Variants in POLI observed in about 807,000 individuals in gnomAD.
POLI encodes DNA polymerase iota, also known as RAD30 homolog B.
Under a neutral mutation model 51.6 loss-of-function variants are expected in POLI, and 58 were observed. The observed-to-expected ratio is 1.12, with a 90% CI of 0.91 to 1.40. The LOEUF is 1.40. POLI is among the 40% of genes most tolerant of loss of function. The pLI, the probability that POLI is intolerant of heterozygous loss-of-function variation, is 0.00. For synonymous variants in POLI, 322 were observed against 299.7 expected (o/e 1.07, Z -0.77); for missense variants, 921 against 871.3 (o/e 1.06, Z -0.72).
At chr18:54,309,890 AGCCTT>A (rs2088646667) in intron 3 of POLI, among the ~76,000 whole-genome samples, 1 of 152,126 alleles carries the variant, frequency 6.6e-6, no homozygotes, top group Non-Finnish European at 1.5e-5. Context: ...GGACCTGCTG[AGCCTT>A]GCCTGGGATA....
At position 54,274,080 on chromosome 18, in the gene POLI, T is replaced by C. The variant is rs1389679381; in HGVS notation, c.396T>C (p.Tyr132=). The change falls in exon 3 of 10, where the codon TAT becomes TAC. Residue 132 remains tyrosine (Y), a synonymous_variant. Transcript: ENST00000579534. ...TGACCCGCTACAGAGAAATGTCTTA[T>C]AAGGTTACAGGTACAAATGATAAGC... ...EDLTRYREMS[Y]KVTELLEEFS... The C allele has an allele frequency of 2.1e-6, 3 of 1,461,706 alleles. No individual in the cohort carries two copies. Among genetic ancestry groups the C allele is most frequent in the Non-Finnish European group, 1.8e-6 (2 of 1,099,748 alleles). 90.5% of individuals were successfully genotyped at this position (1,461,706 alleles called of 1,614,324 possible).
chr18:54,290,941 C>T (rs991668120), intron 8 of POLI, among the ~76,000 whole-genome samples: 5 of 152,084 alleles, frequency 3.3e-5, no homozygotes, highest in African/African-American at 1.2e-4. Flanking sequence ...CAAATCTGCA[C>T]ATTGTGCACA....
chr18:54,293,283 G>A (rs572787685), intron 9 of POLI, among the ~76,000 whole-genome samples: 106 of 151,254 alleles, frequency 7.0e-4, no homozygotes, highest in Non-Finnish European at 1.3e-3. Context: ...GATGCTATAT[G>A]TGTATGTTTT....
chr18:54,269,624 G>A lies in POLI; in HGVS notation c.78G>A (p.Met26Ile). ...DDEEDAEAWA[M>I]ELADVGAAAS... ...AGGAAGACGCCGAGGCCTGGGCCATGGAACTGGCGGACGTGGGGGCGGCAG... is the reference window on the plus strand; with the variant it reads ...AGGAAGACGCCGAGGCCTGGGCCATAGAACTGGCGGACGTGGGGGCGGCAG... The change falls in exon 1 of 10, where the codon ATG becomes ATA. Residue 26 changes from methionine to isoleucine, a missense_variant. Met to Ile is a conservative substitution (Grantham distance 10, BLOSUM62 1). Coordinates refer to ENST00000579534, the MANE Select transcript of POLI (RefSeq NM_007195.3). 6.6e-7 allele frequency: 1 copy of A among 1,510,162 alleles called. No homozygotes were observed. The highest frequency in any genetic ancestry group is 8.8e-7 in the Non-Finnish European group (1 of 1,131,952). 93.5% of individuals were successfully genotyped at this position (1,510,162 alleles called of 1,614,324 possible). A position where few individuals can be genotyped will look rare whatever the true frequency, so the allele number is the denominator to read the frequency against.
chr18:54,285,991 C>T (rs560101944), intron 7 of POLI, among the ~76,000 whole-genome samples: 9 of 151,980 alleles, frequency 5.9e-5, no homozygotes, highest in South Asian at 2.1e-4. Flanking sequence ...CCACCTCAAC[C>T]GCCAGAATAG....
intron 8 of POLI, among the ~76,000 whole-genome samples, chr18:54,289,117 C>T (rs693199): frequency 0.26 from 38,324 of 149,726 alleles, 5,064 homozygotes; most frequent in Middle Eastern, 0.31. Context: ...TCCTGTACTT[C>T]TTTTTAGGTA....
Position 54,295,040 on chromosome 18 carries a change from C to T in POLI, c.*573C>T, listed in dbSNP as rs957268847. 25 of 984,976 alleles carry T rather than the reference C, an allele frequency of 2.5e-5. No homozygotes were observed. The highest frequency in any genetic ancestry group is 7.0e-5 in the African/African-American group (4 of 57,152). The allele number at this position is 984,976 out of a possible 1,614,324, so 61.0% of individuals were successfully genotyped here. On this transcript the variant is annotated 3_prime_UTR_variant, in exon 10 of 10. Coordinates refer to ENST00000579534, the MANE Select transcript of POLI (RefSeq NM_007195.3). ...ACCACAATACACAGCACACAAAGGC[C>T]GTTCAATAAACATTGAATGAATGAA...
intron 3 of POLI, among the ~76,000 whole-genome samples, chr18:54,275,634 A>G (rs2087207917): frequency 6.6e-6 from 1 of 152,230 alleles, no homozygotes; most frequent in African/African-American, 2.4e-5. Flanking sequence ...CATCATATAG[A>G]TGAAGAAGAG....
At chr18:54,304,926 A>G (rs971442665) in intron 3 of POLI, among the ~76,000 whole-genome samples, 2 of 152,158 alleles carry the variant, frequency 1.3e-5, no homozygotes, top group Admixed American at 6.6e-5. Flanking sequence ...TCCATCTTGA[A>G]TTAATTTTTG....
chr18:54,316,981 C>T (rs2088741315), intron 3 of POLI, among the ~76,000 whole-genome samples: 1 of 152,166 alleles, frequency 6.6e-6, no homozygotes, highest in South Asian at 2.1e-4. Flanking sequence ...ACTGTTTCAT[C>T]TCCAGCTTTT....
chr18:54,293,941 G>A lies in POLI; in HGVS notation c.1697G>A (p.Arg566Lys). 1 of 1,612,616 alleles carries A rather than the reference G, an allele frequency of 6.2e-7. No homozygotes were observed. Residue 566 changes from arginine to lysine, a missense_variant, in exon 10 of 10, where the codon AGA (arginine) becomes AAA (lysine). Transcript: ENST00000579534. The stretch of plus-strand genomic sequence containing the variant: ...GTGAGTTGTCCATTACATGCCTCTA[G>A]AGGAGTATTATCTTTCTTTTCTAAA... ...GSVSCPLHAS[R>K]GVLSFFSKKQ...
chr18:54,282,989 C>T lies in POLI; in HGVS notation c.949C>T (p.Pro317Ser). The T allele has an allele frequency of 6.2e-7, 1 of 1,608,738 alleles. No individual in the cohort carries two copies. The highest frequency in any genetic ancestry group is 8.5e-7 in the Non-Finnish European group (1 of 1,176,484). ...GCTCAGTTTTGGAGAGGATAACTCC[C>T]CTGTGATACTCTCAGGACCACCTCA... The part of the protein sequence containing the change: ...QKLSFGEDNS[P>S]VILSGPPQSF... The change falls in exon 6 of 10, where the codon CCT becomes TCT. Residue 317 changes from proline to serine, a missense_variant. By Grantham distance (74) the Pro-to-Ser change is moderately conservative. Coordinates refer to ENST00000579534, the MANE Select transcript of POLI (RefSeq NM_007195.3).
At chr18:54,307,308 A>G (rs2088602558) in intron 3 of POLI, among the ~76,000 whole-genome samples, 1 of 151,902 alleles carries the variant, frequency 6.6e-6, no homozygotes, top group Non-Finnish European at 1.5e-5. Flanking sequence ...TGTTTCAAAG[A>G]ACATCTTTAT....
chr18:54,300,727 A>T (rs953884568), downstream of POLI, among the ~76,000 whole-genome samples: 2 of 152,168 alleles, frequency 1.3e-5, no homozygotes, highest in African/African-American at 4.8e-5. Context: ...AAAATTTTTT[A>T]AAAAATAAAG....
chr18:54,288,905 C>G (rs891650971), intron 8 of POLI, among the ~76,000 whole-genome samples: 1 of 152,028 alleles, frequency 6.6e-6, no homozygotes, highest in Non-Finnish European at 1.5e-5. Context: ...TTGGACATAT[C>G]TATAATAATG....
chr18:54,269,479 A>G (rs1456852127), upstream of POLI: 7 of 1,482,776 alleles, frequency 4.7e-6, no homozygotes, highest in South Asian at 1.3e-5. Context: ...TGGAGACTGT[A>G]GTCCCCCGGT....
Position 54,296,855 on chromosome 18 carries a change from TA to T in POLI, c.*2392del. On this transcript the variant is annotated 3_prime_UTR_variant, in exon 10 of 10. Coordinates refer to ENST00000579534, the MANE Select transcript of POLI (RefSeq NM_007195.3). ...CCCTTGTAAGTCTGTTTCTAATTTT[TA>T]AAAGTCAAATATATGATATTTTTGA... The T allele has an allele frequency of 1.3e-6, 1 of 793,960 alleles. No individual in the cohort carries two copies. The highest frequency in any genetic ancestry group is 5.9e-5 in the South Asian group (1 of 17,084). 49.2% of individuals were successfully genotyped at this position (793,960 alleles called of 1,614,324 possible).
At chr18:54,308,994 C>G (rs1006745199) in intron 3 of POLI, among the ~76,000 whole-genome samples, 4 of 152,092 alleles carry the variant, frequency 2.6e-5, no homozygotes, top group Non-Finnish European at 5.9e-5. Flanking sequence ...AATCTTTTTT[C>G]AAGGTTTTTA....
chr18:54,276,457 G>A lies in POLI; in HGVS notation c.407-1246G>A, dbSNP rs3730719. Among the ~76,000 whole-genome samples, 1,421 of 152,268 alleles carry A rather than the reference G, an allele frequency of 9.3e-3. 12 individuals are homozygous for A. The highest frequency in any genetic ancestry group is 0.014 in the Non-Finnish European group (971 of 68,012). On this transcript the variant is annotated intron_variant, in intron 3 of 9. Transcript: ENST00000579534. ...CAATATTTAGTGATCCACCAGCTTCGTGCATGATTCTGTATTTAACTTGCT... is the reference window on the plus strand; with the variant it reads ...CAATATTTAGTGATCCACCAGCTTCATGCATGATTCTGTATTTAACTTGCT...
Sources: allele counts gnomAD v4.1 joint callset (sites outside exome capture counted in the v4.1 genomes callset), GRCh38; gene constraint gnomAD v4.1.1; transcripts MANE v1.5; gene names NCBI Gene and HGNC (gene_info 2026-07-23, HGNC 2026-07-21).